ADAMTSL4: variants seen among roughly 807,000 people sequenced by gnomAD.
ADAMTSL4 encodes the protein ADAMTS-like protein 4.
ADAMTSL4 carries 97 observed loss-of-function variants against 122.8 expected under a neutral mutation model. The observed-to-expected ratio is 0.79, with a 90% CI of 0.67 to 0.93. The LOEUF is 0.93. Among genes scored for constraint, ADAMTSL4 ranks in the 40% least tolerant of loss-of-function variants. The pLI is 0.00. For missense variants in ADAMTSL4, 1,408 were observed against 1,453.5 expected, an observed-to-expected ratio of 0.97 and a Z score of 0.51; for synonymous variants, 592 against 568.0, an observed-to-expected ratio of 1.04 and a Z score of -0.60.
Position 150,559,561 on chromosome 1 carries a change from C to A in ADAMTSL4, c.2943+95C>A, listed in dbSNP as rs2101663961. 5.1e-6 allele frequency: 8 copies of A among 1,581,286 alleles called. No homozygotes were observed. The South Asian group carries it at 8.9e-5, about 18-fold the overall frequency. On this transcript the variant is annotated intron_variant, in intron 17 of 18. Transcript: ENST00000271643. This position sits in a 1 kb window ranked among gnomAD's most constrained non-coding sequence, Gnocchi z 4.1. The stretch of plus-strand genomic sequence containing the variant: ...GTACCCCCTCCAGGTCTCTCTGTGC[C>A]CCAGAATAAGCCCAGCCAAGCGTTA...
rs138209983 is a variant in ADAMTSL4 at position 150,554,305 on chromosome 1, G to A, written c.1132-60G>A. On this transcript the variant is annotated intron_variant, in intron 6 of 18. Coordinates refer to ENST00000271643, the MANE Select transcript of ADAMTSL4 (RefSeq NM_019032.6). This position sits in a 1 kb window ranked among gnomAD's most constrained non-coding sequence, Gnocchi z 4.0. ...GCCTCCCACCTGCTCCCCAGGTTCA[G>A]CCCTGCCCCTACCCTCATTTTGCTC... 7.3e-5 allele frequency: 114 copies of A among 1,556,232 alleles called. No individual in the cohort carries two copies. The African/African-American group carries it at 1.2e-3, about 17-fold the overall frequency.
intron 14 of ADAMTSL4, 56 bp downstream of exon 14, chr1:150,558,205 C>T (rs1249852210): frequency 3.1e-6 from 5 of 1,604,080 alleles, no homozygotes; most frequent in Non-Finnish European, 4.3e-6. Flanking sequence ...AGGTGAACAA[C>T]AGCAGTGGTT....
Position 150,556,684 on chromosome 1 carries a change from C to G in ADAMTSL4, c.1640C>G (p.Ser547Cys). Residue 547 changes from serine (S) to cysteine (C), a missense_variant, in exon 10 of 19, where the codon TCC (serine) becomes TGC (cysteine). Coordinates refer to ENST00000271643, the MANE Select transcript of ADAMTSL4 (RefSeq NM_019032.6). The surrounding 1 kb of genome is among the most constrained non-coding windows in gnomAD (Gnocchi z 4.1). Reference sequence around the variant, plus strand: ...AACTGGGCTGTGGATCCCCCTGGGTCCTACAGGGCCGGCGGGACCGTCTTT... The same window carrying G: ...AACTGGGCTGTGGATCCCCCTGGGTGCTACAGGGCCGGCGGGACCGTCTTT... ...NGNWAVDPPG[S>C]YRAGGTVFRY... is the part of the protein sequence containing the mutation. 1.9e-6 allele frequency: 3 copies of G among 1,614,032 alleles called. No homozygotes were observed. Among genetic ancestry groups the G allele is most frequent in the Non-Finnish European group, 2.5e-6 (3 of 1,180,000 alleles).
At chr1:150,558,373 C>G (rs1188856167) in intron 14 of ADAMTSL4, 100 bp from the exon 15 acceptor site, 4 of 1,576,630 alleles carry the variant, frequency 2.5e-6, no homozygotes, top group Non-Finnish European at 2.6e-6. Flanking sequence ...GACTGCTGGG[C>G]TGGGGATCGA....
rs757473236 is a variant in ADAMTSL4, at chr1:150,557,619, C to T, written c.2173C>T (p.Pro725Ser). 2.5e-6 allele frequency: 4 copies of T among 1,600,506 alleles called. No individual in the cohort carries two copies. Among genetic ancestry groups the T allele is most frequent in the Admixed American group, 1.7e-5 (1 of 58,002 alleles). ...ACCCTGCCACGGCACCCCATGCCCC[C>T]CATAGTGAGTATGGGGGAGCCCACG... ...PEPCHGTPCPPYWEAGEWTSC... is the reference protein window; with the variant it reads ...PEPCHGTPCPSYWEAGEWTSC... Residue 725 changes from proline to serine, a missense_variant, in exon 13 of 19, where the codon CCA (proline) becomes TCA (serine). Transcript: ENST00000271643.
In ADAMTSL4 at chr1:150,558,644, T is replaced by C; in HGVS notation, c.2554T>C (p.Ser852Pro). Residue 852 changes from serine (S) to proline (P), a missense_variant, in exon 15 of 19, where the codon TCC becomes CCC. Ser to Pro is a moderately conservative substitution (Grantham distance 74, BLOSUM62 -1). Transcript: ENST00000271643. ...TTAWFHSDWS[S>P]KCSAECGTGI... ...TGCCTGGTTCCACAGCGACTGGAGCTCCAAGGTGAGCCCGGAACCCCCAGC... is the reference window on the plus strand; with the variant it reads ...TGCCTGGTTCCACAGCGACTGGAGCCCCAAGGTGAGCCCGGAACCCCCAGC... 3 of 1,613,606 alleles carry C rather than the reference T, an allele frequency of 1.9e-6. No individual in the cohort carries two copies. Among genetic ancestry groups the C allele is most frequent in the South Asian group, 1.1e-5 (1 of 91,062 alleles).
rs909859428 is a variant in ADAMTSL4, at chr1:150,559,605, T to C, written c.2943+139T>C. On this transcript the variant is annotated intron_variant, in intron 17 of 18. Transcript: ENST00000271643. The surrounding 1 kb of genome is among the most constrained non-coding windows in gnomAD (Gnocchi z 4.1). ...AGCGTTACCACTGTCCTACTTCTTA[T>C]AGACTTGGAGGAAAGATGGGCCCTC... is the stretch of plus-strand genomic sequence containing the variant. 181 of 1,550,638 alleles carry C rather than the reference T, an allele frequency of 1.2e-4. No individual in the cohort carries two copies. The highest frequency in any genetic ancestry group is 2.3e-4 in the East Asian group (10 of 44,362).
At position 150,552,984 on chromosome 1, in the gene ADAMTSL4, T is replaced by C; in HGVS notation, c.165T>C (p.Ser55=). ...GVWGPWVQWA[S]CSQPCGVGVQ... ...GGGGACCTTGGGTCCAGTGGGCCTCTTGCTCCCAGCCCTGCGGGGTGGGGG... is the reference window on the plus strand; with the variant it reads ...GGGGACCTTGGGTCCAGTGGGCCTCCTGCTCCCAGCCCTGCGGGGTGGGGG... Residue 55 remains serine, a synonymous_variant, in exon 5 of 19, where the codon TCT becomes TCC. Transcript: ENST00000271643. This position sits in a 1 kb window ranked among gnomAD's most constrained non-coding sequence, Gnocchi z 4.0. The C allele has an allele frequency of 1.2e-6, 2 of 1,613,286 alleles. No homozygotes were observed. Among genetic ancestry groups the C allele is most frequent in the South Asian group, 2.2e-5 (2 of 91,088 alleles).
At chr1:150,558,353 G>A (rs1466291372) in intron 14 of ADAMTSL4, 120 bp from the exon 15 acceptor site, 30 of 1,550,732 alleles carry the variant, frequency 1.9e-5, no homozygotes, top group African/African-American at 4.1e-5. Flanking sequence ...CTCAGCCCAC[G>A]AAGCCATGTG....
chr1:150,557,029 CCT>C lies in ADAMTSL4; in HGVS notation c.1841_1842del (p.Pro614ArgfsTer81), dbSNP rs770171608. On this transcript the variant is annotated frameshift_variant, in exon 11 of 19. Coordinates refer to ENST00000271643, the MANE Select transcript of ADAMTSL4 (RefSeq NM_019032.6). LOFTEE classifies it high-confidence loss of function. The stretch of plus-strand genomic sequence containing the variant: ...CCTTGAGAACCCCACCCCAGAGCCC[CCT>C]GTCCCCCAGCTTCAGCCGGGTAAGA... The part of the protein sequence containing the change: ...PILENPTPEP[P>X]VPQLQPEILR... 6.2e-6 allele frequency: 10 copies of C among 1,613,910 alleles called. No individual in the cohort carries two copies. The highest frequency in any genetic ancestry group is 1.3e-5 in the African/African-American group (1 of 74,886).
rs146323215 is a variant in ADAMTSL4, at chr1:150,559,104, G to A, written c.2702G>A (p.Arg901His). 227 of 1,612,768 alleles carry A rather than the reference G, an allele frequency of 1.4e-4. No individual in the cohort carries two copies. The African/African-American group carries it at 1.6e-3, about 11-fold the overall frequency. Residue 901 changes from arginine to histidine, a missense_variant, in exon 16 of 19, where the codon CGC becomes CAC. Physicochemically the swap from Arg to His is conservative, Grantham distance 29. Coordinates refer to ENST00000271643, the MANE Select transcript of ADAMTSL4 (RefSeq NM_019032.6). This position sits in a 1 kb window ranked among gnomAD's most constrained non-coding sequence, Gnocchi z 4.1. ...CPTGSRPPDM[R>H]ACSLGPCERT... ...ACAGGAAGCCGGCCCCCTGACATGC[G>A]CGCCTGCAGCCTGGGGCCCTGTGAG...
At position 150,549,862 on chromosome 1, in the gene ADAMTSL4, A is replaced by C. The variant is rs587718904; in HGVS notation, c.-118A>C. ...CGGTGTGTCCCCCACTGCACTCCTGAACTTGGAGGACAGGGTCGCCGCGAG... is the reference window on the plus strand; with the variant it reads ...CGGTGTGTCCCCCACTGCACTCCTGCACTTGGAGGACAGGGTCGCCGCGAG... On this transcript the variant is annotated 5_prime_UTR_variant, in exon 2 of 19. Transcript: ENST00000271643. The surrounding 1 kb of genome is among the most constrained non-coding windows in gnomAD (Gnocchi z 5.0). 1 of 198,226 alleles carries C rather than the reference A, an allele frequency of 5.0e-6. No individual in the cohort carries two copies. Among genetic ancestry groups the C allele is most frequent in the East Asian group, 1.4e-4 (1 of 7,314 alleles). The allele number at this position is 198,226 out of a possible 1,614,324, so 12.3% of individuals were successfully genotyped here.
Position 150,559,727 on chromosome 1 carries a change from C to T in ADAMTSL4, c.2944-34C>T. 6.2e-6 allele frequency: 10 copies of T among 1,613,598 alleles called. No individual in the cohort carries two copies. Among genetic ancestry groups the T allele is most frequent in the Non-Finnish European group, 8.5e-6 (10 of 1,179,934 alleles). On this transcript the variant is annotated intron_variant, in intron 17 of 18. Transcript: ENST00000271643. The surrounding 1 kb of genome is among the most constrained non-coding windows in gnomAD (Gnocchi z 4.1). Reference sequence around the variant, plus strand: ...GGGTTAAGGAGAATCCCGGGCCTGGCAAAGGTCTGATATGATGGCTGGGGT... The same window carrying T: ...GGGTTAAGGAGAATCCCGGGCCTGGTAAAGGTCTGATATGATGGCTGGGGT...
chr1:150,550,608 C>T, intron 2 of ADAMTSL4: 1 of 389,482 alleles, frequency 2.6e-6, no homozygotes, highest in South Asian at 1.8e-5. Context: ...ATTTCTTCTT[C>T]CCTCAGCTGG....
At position 150,559,571 on chromosome 1, in the gene ADAMTSL4, G is replaced by A; in HGVS notation, c.2943+105G>A. 1.3e-6 allele frequency: 2 copies of A among 1,569,696 alleles called. No individual in the cohort carries two copies. The highest frequency in any genetic ancestry group is 1.1e-5 in the South Asian group (1 of 89,116). ...CAGGTCTCTCTGTGCCCCAGAATAA[G>A]CCCAGCCAAGCGTTACCACTGTCCT... On this transcript the variant is annotated intron_variant, in intron 17 of 18. Coordinates refer to ENST00000271643, the MANE Select transcript of ADAMTSL4 (RefSeq NM_019032.6). The surrounding 1 kb of genome is among the most constrained non-coding windows in gnomAD (Gnocchi z 4.1).
Position 150,556,369 on chromosome 1 carries a change from G to A in ADAMTSL4, c.1576+3G>A, listed in dbSNP as rs374946904. ...CCGGCCTAGCTCCAACTACCTGGGT[G>A]AGCACCCAGCTGCCTCCCCTTCCAC... On this transcript the variant is annotated splice_donor_region_variant and intron_variant, in intron 9 of 18. Coordinates refer to ENST00000271643, the MANE Select transcript of ADAMTSL4 (RefSeq NM_019032.6). The surrounding 1 kb of genome is among the most constrained non-coding windows in gnomAD (Gnocchi z 4.1). 21 of 1,613,760 alleles carry A rather than the reference G, an allele frequency of 1.3e-5. No individual in the cohort carries two copies. Among genetic ancestry groups the A allele is most frequent in the Non-Finnish European group, 1.7e-5 (20 of 1,180,004 alleles).
At position 150,553,578 on chromosome 1, in the gene ADAMTSL4, C is replaced by G. The variant is rs764923616; in HGVS notation, c.587C>G (p.Ser196Cys). The G allele has an allele frequency of 5.0e-6, 8 of 1,613,850 alleles. 1 individual carries two copies. The South Asian group carries it at 8.8e-5, about 18-fold the overall frequency. The change falls in exon 6 of 19, where the codon TCC becomes TGC. Residue 196 changes from serine (S) to cysteine (C), a missense_variant. Ser to Cys is a moderately radical substitution (Grantham distance 112). Coordinates refer to ENST00000271643, the MANE Select transcript of ADAMTSL4 (RefSeq NM_019032.6). ...ISSRGEEAIP[S>C]PTPRAEPFSA... is the part of the protein sequence containing the mutation. ...TCTAGAGGGGAAGAGGCTATTCCGT[C>G]CCCTACTCCAAGAGCAGAGCCATTC...
intron 7 of ADAMTSL4, 103 bp from the exon 8 acceptor site, chr1:150,555,326 A>G (rs1258601426): frequency 5.2e-5 from 75 of 1,455,972 alleles, no homozygotes; most frequent in Non-Finnish European, 6.9e-5. Flanking sequence ...CATTTCCTTC[A>G]TCCACAGTGA....
Position 150,558,627 on chromosome 1 carries a change from T to C in ADAMTSL4, c.2537T>C (p.Phe846Ser). 6.2e-7 allele frequency: 1 copy of C among 1,613,710 alleles called. No homozygotes were observed. Among genetic ancestry groups the C allele is most frequent in the Non-Finnish European group, 8.5e-7 (1 of 1,179,932 alleles). ...ATGGGGCCCTGTACTACTGCCTGGT[T>C]CCACAGCGACTGGAGCTCCAAGGTG... ...CDMGPCTTAW[F>S]HSDWSSKCSA... The change falls in exon 15 of 19, where the codon TTC becomes TCC. Residue 846 changes from phenylalanine (F) to serine (S), a missense_variant. Physicochemically the swap from Phe to Ser is radical, Grantham distance 155 (BLOSUM62 -2). Transcript: ENST00000271643.
Sources: gnomAD v4.1 joint callset for allele counts on GRCh38, gnomAD v4.1.1 for gene constraint, Gnocchi (gnomAD v3.1) non-coding constraint, MANE v1.5 for transcripts, NCBI Gene and HGNC (gene_info 2026-07-23, HGNC 2026-07-21) for gene names.